TET1: variants seen among roughly 807,000 people sequenced by gnomAD.
TET1 encodes the protein methylcytosine dioxygenase TET1.
Under a neutral mutation model 148.7 loss-of-function variants are expected in TET1, and 13 were observed. The observed-to-expected ratio is 0.09, with a 90% CI of 0.06 to 0.14. TET1 has a LOEUF of 0.14. TET1 is among the 10% of genes least tolerant of loss of function. TET1 has a pLI of 1.00. For synonymous variants in TET1, 907 were observed against 937.2 expected, an observed-to-expected ratio of 0.97 and a Z score of 0.59; for missense variants, 2,182 against 2,553.8, an observed-to-expected ratio of 0.85 and a Z score of 3.14.
intron 3 of TET1, among the ~76,000 whole-genome samples, chr10:68,605,765 G>A (rs1347792822): frequency 6.6e-6 from 1 of 152,140 alleles, no homozygotes; most frequent in Non-Finnish European, 1.5e-5. Flanking sequence ...TCTGCCCACT[G>A]CAGCCTCCCA....
intron 3 of TET1, among the ~76,000 whole-genome samples, chr10:68,634,120 A>G (rs2054616616): frequency 6.6e-6 from 1 of 152,096 alleles, no homozygotes; most frequent in Non-Finnish European, 1.5e-5. Context: ...CCTGGACTCA[A>G]GCAATCCTCT....
intron 1 of TET1, among the ~76,000 whole-genome samples, chr10:68,565,464 T>TAAAAAAAA (rs199760806): frequency 1.2e-4 from 13 of 107,980 alleles, no homozygotes; most frequent in East Asian, 5.4e-4. Flanking sequence ...AGACCCTGTT[T>TAAAAAAAA]AAAAAAAAAA....
In TET1 at chr10:68,646,637, C is replaced by T. The variant is rs1415474586; in HGVS notation, c.3908C>T (p.Ser1303Phe). Reference protein sequence around the residue: ...NQKAHPLTQPSSPPNQCANVM... With the variant: ...NQKAHPLTQPFSPPNQCANVM... ...AAAGCCCATCCTTTGACCCAGCCCT[C>T]CTCTCCACCTAACCAGTGTGCTAAC... Residue 1303 changes from serine (S) to phenylalanine (F), a missense_variant, in exon 4 of 12, where the codon TCC becomes TTC. Coordinates refer to ENST00000373644, the MANE Select transcript of TET1 (RefSeq NM_030625.3). 4.3e-6 allele frequency: 7 copies of T among 1,614,162 alleles called. No individual in the cohort carries two copies. Among genetic ancestry groups the T allele is most frequent in the South Asian group, 3.3e-5 (3 of 91,078 alleles).
Position 68,647,318 on chromosome 10 carries a change from C to T in TET1, c.4276+313C>T, listed in dbSNP as rs114384659. Among the ~76,000 whole-genome samples the T allele has an allele frequency of 7.2e-3, 1,089 of 152,260 alleles. 16 individuals carry two copies. The highest frequency in any genetic ancestry group is 0.025 in the African/African-American group (1,019 of 41,538). On this transcript the variant is annotated intron_variant, in intron 4 of 11. Coordinates refer to ENST00000373644, the MANE Select transcript of TET1 (RefSeq NM_030625.3). ...TCGTGCGTAGCATAAGAATGAATTT[C>T]GTAGGCCAGGCGCAATGGCTCTTGC...
At chr10:68,674,935 A>G (rs192520342) in intron 8 of TET1, 1 of 379,868 alleles carries the variant, frequency 2.6e-6, no homozygotes. Context: ...TATCCTCTCC[A>G]TGATGTCTTT....
chr10:68,646,632 G>T lies in TET1; in HGVS notation c.3903G>T (p.Gln1301His). ...NANQKAHPLT[Q>H]PSSPPNQCAN... ...ATCAGAAAGCCCATCCTTTGACCCA[G>T]CCCTCCTCTCCACCTAACCAGTGTG... is the stretch of plus-strand genomic sequence containing the variant. Residue 1301 changes from glutamine (Q) to histidine (H), a missense_variant, in exon 4 of 12, where the codon CAG (glutamine) becomes CAT (histidine). Physicochemically the swap from Gln to His is conservative, Grantham distance 24 (BLOSUM62 0). Coordinates refer to ENST00000373644, the MANE Select transcript of TET1 (RefSeq NM_030625.3). The T allele has an allele frequency of 6.2e-7, 1 of 1,614,116 alleles. No homozygotes were observed. Among genetic ancestry groups the T allele is most frequent in the Non-Finnish European group, 8.5e-7 (1 of 1,180,020 alleles).
chr10:68,644,789 T>C lies in TET1; in HGVS notation c.2060T>C (p.Leu687Ser). The change falls in exon 4 of 12, where the codon TTG (leucine) becomes TCG (serine). Residue 687 changes from leucine (L) to serine (S), a missense_variant. Physicochemically the swap from Leu to Ser is moderately radical, Grantham distance 145 (BLOSUM62 -2). Around this residue, in one of 11 missense-constraint regions of TET1, gnomAD observed 226 missense variants for 307.4 expected, o/e 0.74. Coordinates refer to ENST00000373644, the MANE Select transcript of TET1 (RefSeq NM_030625.3). ...CATGGGGAAGAACAAAAATTGGAAT[T>C]GAACCCACATACTGTTGAAAATGTA... ...CGHGEEQKLE[L>S]NPHTVENVTK... 6.2e-7 allele frequency: 1 copy of C among 1,613,780 alleles called. No individual in the cohort carries two copies. The highest frequency in any genetic ancestry group is 8.5e-7 in the Non-Finnish European group (1 of 1,179,932).
intron 7 of TET1, among the ~76,000 whole-genome samples, chr10:68,670,425 C>T (rs763843895): frequency 2.0e-5 from 3 of 152,072 alleles, no homozygotes; most frequent in Non-Finnish European, 4.4e-5. Flanking sequence ...CTATGAAATA[C>T]AACCTATAGC....
At chr10:68,578,951 A>C (rs187398313) in intron 2 of TET1, among the ~76,000 whole-genome samples, 291 of 152,190 alleles carry the variant, frequency 1.9e-3, no homozygotes, top group African/African-American at 6.6e-3. Flanking sequence ...TGTGAAGCTG[A>C]GGTTGCAGTG....
At chr10:68,619,793 T>A (rs2054343741) in intron 3 of TET1, among the ~76,000 whole-genome samples, 1 of 152,222 alleles carries the variant, frequency 6.6e-6, no homozygotes, top group Non-Finnish European at 1.5e-5. Flanking sequence ...TTTTACATAT[T>A]GTGAAATACT....
intron 3 of TET1, among the ~76,000 whole-genome samples, chr10:68,610,717 G>A (rs1002437972): frequency 1.3e-5 from 2 of 152,064 alleles, no homozygotes; most frequent in African/African-American, 4.8e-5. Flanking sequence ...GAGTGTAGTG[G>A]TGTGATCATG....
In TET1 at chr10:68,681,536, G is replaced by A. The variant is rs774483978; in HGVS notation, c.4914+48G>A. On this transcript the variant is annotated intron_variant, in intron 9 of 11. Coordinates refer to ENST00000373644, the MANE Select transcript of TET1 (RefSeq NM_030625.3). ...TATTTATTTATTAATTTGAGGTGGG[G>A]TCTTGCTTTGTTGCCCAGGCAGCAG... is the stretch of plus-strand genomic sequence containing the variant. 8 of 1,340,516 alleles carry A rather than the reference G, an allele frequency of 6.0e-6. No homozygotes were observed. The East Asian group carries it at 1.7e-4, about 28-fold the overall frequency. 83.0% of individuals were successfully genotyped at this position (1,340,516 alleles called of 1,614,324 possible).
chr10:68,615,218 A>G (rs2054271971), intron 3 of TET1, among the ~76,000 whole-genome samples: 1 of 151,978 alleles, frequency 6.6e-6, no homozygotes, highest in African/African-American at 2.4e-5. Flanking sequence ...GGCTTGAGCC[A>G]CCGCTCCCAG....
At chr10:68,593,361 C>T (rs1284757802) in intron 2 of TET1, among the ~76,000 whole-genome samples, 1 of 151,060 alleles carries the variant, frequency 6.6e-6, no homozygotes, top group Non-Finnish European at 1.5e-5. Flanking sequence ...CATTTTTGGA[C>T]CTGGGTTCTT....
chr10:68,682,727 C>G, intron 9 of TET1, 109 bp from the exon 10 acceptor site: 9 of 1,271,428 alleles, frequency 7.1e-6, no homozygotes, highest in Non-Finnish European at 9.8e-6. Context: ...TCAGAAATTA[C>G]AAAGTGTAAT....
intron 3 of TET1, among the ~76,000 whole-genome samples, chr10:68,608,729 T>C (rs2054163233): frequency 1.3e-5 from 2 of 151,776 alleles, no homozygotes; most frequent in South Asian, 4.2e-4. Flanking sequence ...AGAGACAGGG[T>C]TTCACCATGT....
intron 6 of TET1, among the ~76,000 whole-genome samples, chr10:68,661,742 CT>C (rs1485705602): frequency 3.9e-5 from 6 of 152,016 alleles, no homozygotes; most frequent in Admixed American, 1.3e-4. Context: ...ACCTTGGCCT[CT>C]CAATGTGTTG....
intron 1 of TET1, among the ~76,000 whole-genome samples, chr10:68,563,744 T>C (rs1419390914): frequency 5.3e-5 from 8 of 152,226 alleles, no homozygotes; most frequent in African/African-American, 1.9e-4. Context: ...TGCAGTGGCA[T>C]GATCTTGGCT....
chr10:68,693,509 A>C lies in TET1; in HGVS notation c.*1695A>C. The C allele has an allele frequency of 4.3e-6, 1 of 233,304 alleles. No homozygotes were observed. Among genetic ancestry groups the C allele is most frequent in the Non-Finnish European group, 8.5e-6 (1 of 117,892 alleles). 14.5% of individuals were successfully genotyped at this position (233,304 alleles called of 1,614,324 possible). A position where few individuals can be genotyped will look rare whatever the true frequency, so the allele number is the denominator to read the frequency against. On this transcript the variant is annotated 3_prime_UTR_variant, in exon 12 of 12. Transcript: ENST00000373644. ...GCAAAGTATCTGTTTTGAGCTTTTG[A>C]CTAATCCAAGTAAAGGAATATGAAG...
Sources: allele counts gnomAD v4.1 joint callset (sites outside exome capture counted in the v4.1 genomes callset), GRCh38; gene constraint gnomAD v4.1.1; regional missense constraint gnomAD v4.1.1; transcripts MANE v1.5; gene names NCBI Gene and HGNC (gene_info 2026-07-23, HGNC 2026-07-21).